Variants in AHDC1 observed in about 807,000 individuals in gnomAD.
AHDC1 encodes transcription factor Gibbin.
In AHDC1, 7 loss-of-function variants were observed where a neutral mutation model predicts 87.9. The observed-to-expected ratio is 0.08, with a 90% CI of 0.05 to 0.15. The LOEUF (loss-of-function observed/expected upper bound fraction) is 0.15, where lower values mean the gene tolerates loss of function less well. AHDC1 is among the 10% of genes least tolerant of loss of function. AHDC1 has a pLI of 1.00. For synonymous variants in AHDC1, 1,051 were observed against 1,006.8 expected, an observed-to-expected ratio of 1.04 and a Z score of -0.83; for missense variants, 1,841 against 2,253.2, an observed-to-expected ratio of 0.82 and a Z score of 3.70.
At chr1:27,555,168 CTGTG>C (rs1317248482) in intron 5 of AHDC1, among the ~76,000 whole-genome samples, 1 of 152,212 alleles carries the variant, frequency 6.6e-6, no homozygotes, top group East Asian at 1.9e-4. Flanking sequence ...CCTGGGGGAG[CTGTG>C]TAACATTCCA....
At chr1:27,572,485 G>A (rs2088563441) in intron 3 of AHDC1, among the ~76,000 whole-genome samples, 1 of 152,148 alleles carries the variant, frequency 6.6e-6, no homozygotes, top group Non-Finnish European at 1.5e-5. Context: ...GCTGCCTACT[G>A]CCTTACAACA....
rs1332770385 is a variant in AHDC1 at position 27,560,278 on chromosome 1, G to A, written c.-628-1395C>T. Among the ~76,000 whole-genome samples, 4 of 152,106 alleles carry A rather than the reference G, an allele frequency of 2.6e-5. No individual in the cohort carries two copies. Among genetic ancestry groups the A allele is most frequent in the Non-Finnish European group, 4.4e-5 (3 of 68,016 alleles). On this transcript the variant is annotated intron_variant, in intron 3 of 8. Transcript: ENST00000673934. The surrounding 1 kb of genome is among the most constrained non-coding windows in gnomAD (Gnocchi z 4.1). ...GACACAGGGGTGCATGTGTGCCTGT[G>A]TGTAGCCAGGTGAGCCCAGCTGTGG... is the stretch of plus-strand genomic sequence containing the variant.
intron 3 of AHDC1, among the ~76,000 whole-genome samples, chr1:27,566,841 G>A (rs2020342511): frequency 1.4e-5 from 2 of 145,924 alleles, no homozygotes; most frequent in Non-Finnish European, 3.0e-5. Flanking sequence ...CAGAGCTGTC[G>A]AGGGAGGGGG....
At position 27,597,553 on chromosome 1, in the gene AHDC1, C is replaced by G. The variant is rs12057378; in HGVS notation, c.-629+5844G>C. Among the ~76,000 whole-genome samples the G allele has an allele frequency of 4.6e-3, 705 of 152,214 alleles. 6 individuals are homozygous for G. The highest frequency in any genetic ancestry group is 0.016 in the African/African-American group (659 of 41,508). ...TGCAGGCCTCTCAGCAACCCCCTCCCCCTATGAAAAGAGGAGCAGGGAGCA... is the reference window on the plus strand; with the variant it reads ...TGCAGGCCTCTCAGCAACCCCCTCCGCCTATGAAAAGAGGAGCAGGGAGCA... On this transcript the variant is annotated intron_variant, in intron 3 of 8. Transcript: ENST00000673934.
At chr1:27,574,018 C>A (rs1359480026) in intron 3 of AHDC1, among the ~76,000 whole-genome samples, 1 of 152,160 alleles carries the variant, frequency 6.6e-6, no homozygotes, top group Admixed American at 6.5e-5. Context: ...GGAGTTGACA[C>A]AGGCCCAGGC....
intron 3 of AHDC1, among the ~76,000 whole-genome samples, chr1:27,584,648 G>A (rs958161970): frequency 2.0e-5 from 3 of 152,156 alleles, no homozygotes; most frequent in Admixed American, 6.5e-5. Flanking sequence ...GCACTGTAGC[G>A]GGGTGAGCTG....
At position 27,549,274 on chromosome 1, in the gene AHDC1, C is replaced by G; in HGVS notation, c.2842G>C (p.Val948Leu). ...CGGGCCATGGCTGAGGGCGGGGGCACCAGCTTGGGGAAGGTCTCGGCTGCC... is the reference window on the plus strand; with the variant it reads ...CGGGCCATGGCTGAGGGCGGGGGCAGCAGCTTGGGGAAGGTCTCGGCTGCC... Reference protein sequence around the residue: ...CRAAETFPKLVPPPSAMARSP... With the variant: ...CRAAETFPKLLPPPSAMARSP... The change falls in exon 8 of 9, where the codon GTG (valine) becomes CTG (leucine). Residue 948 changes from valine (V) to leucine (L), a missense_variant. Around this residue, in one of 13 missense-constraint regions of AHDC1, gnomAD observed 378 missense variants for 399.0 expected, o/e 0.95. Coordinates refer to ENST00000673934, the MANE Select transcript of AHDC1 (RefSeq NM_001371928.1). The G allele has an allele frequency of 1.2e-6, 2 of 1,603,492 alleles. No homozygotes were observed. Among genetic ancestry groups the G allele is most frequent in the Non-Finnish European group, 1.7e-6 (2 of 1,172,978 alleles).
At chr1:27,597,131 G>A (rs1052346843) in intron 3 of AHDC1, among the ~76,000 whole-genome samples, 6 of 152,298 alleles carry the variant, frequency 3.9e-5, no homozygotes, top group African/African-American at 1.2e-4. Flanking sequence ...CTTGCCAGCC[G>A]GGTTAGAGTA....
intron 3 of AHDC1, among the ~76,000 whole-genome samples, chr1:27,577,904 C>A (rs2088802981): frequency 6.6e-6 from 1 of 152,184 alleles, no homozygotes; most frequent in African/African-American, 2.4e-5. Flanking sequence ...CACCTGAGGC[C>A]AGGGAGTTAA....
In AHDC1 at chr1:27,547,111, T is replaced by C; in HGVS notation, c.*43+150A>G. On this transcript the variant is annotated intron_variant, in intron 8 of 8. Coordinates refer to ENST00000673934, the MANE Select transcript of AHDC1 (RefSeq NM_001371928.1). The surrounding 1 kb of genome is among the most constrained non-coding windows in gnomAD (Gnocchi z 4.9). The stretch of plus-strand genomic sequence containing the variant: ...TGAGACTGTCCGCAACAGCGAATCC[T>C]GAATCCCTACACCCTGCTCTCAGTC... 2 of 526,842 alleles carry C rather than the reference T, an allele frequency of 3.8e-6. No homozygotes were observed. Among genetic ancestry groups the C allele is most frequent in the Non-Finnish European group, 3.1e-6 (1 of 318,536 alleles). 32.6% of individuals were successfully genotyped at this position (526,842 alleles called of 1,614,324 possible). A position where few individuals can be genotyped will look rare whatever the true frequency, so the allele number is the denominator to read the frequency against.
Position 27,550,138 on chromosome 1 carries a change from G to T in AHDC1, c.1978C>A (p.His660Asn). The T allele has an allele frequency of 6.2e-7, 1 of 1,610,696 alleles. No homozygotes were observed. Residue 660 changes from histidine (H) to asparagine (N), a missense_variant, in exon 8 of 9, where the codon CAT becomes AAT. This residue lies in a region of AHDC1 where 236 missense variants were observed against 257.9 expected (regional missense o/e 0.92). Transcript: ENST00000673934. ...PDTQSISHFL[H>N]RVQGFRRRGG... is the part of the protein sequence containing the mutation. Reference sequence around the variant, plus strand: ...CGCCGCCGGAAGCCCTGCACACGATGCAGGAAGTGGGAGATGCTCTGGGTG... The same window carrying T: ...CGCCGCCGGAAGCCCTGCACACGATTCAGGAAGTGGGAGATGCTCTGGGTG...
chr1:27,592,095 G>C (rs1396975986), intron 3 of AHDC1, among the ~76,000 whole-genome samples: 1 of 152,126 alleles, frequency 6.6e-6, no homozygotes, highest in Non-Finnish European at 1.5e-5. Context: ...TTTGTTAAAG[G>C]CCTCTCATTA....
At position 27,549,301 on chromosome 1, in the gene AHDC1, G is replaced by A. The variant is rs563439857; in HGVS notation, c.2815C>T (p.Arg939Trp). Residue 939 changes from arginine to tryptophan, a missense_variant, in exon 8 of 9, where the codon CGG becomes TGG. Around this residue, in one of 13 missense-constraint regions of AHDC1, gnomAD observed 378 missense variants for 399.0 expected, o/e 0.95. Coordinates refer to ENST00000673934, the MANE Select transcript of AHDC1 (RefSeq NM_001371928.1). ...YGLTPAASDC[R>W]AAETFPKLVP... ...AGCTTGGGGAAGGTCTCGGCTGCCCGGCAGTCTGAAGCGGCTGGAGTTAGC... is the reference window on the plus strand; with the variant it reads ...AGCTTGGGGAAGGTCTCGGCTGCCCAGCAGTCTGAAGCGGCTGGAGTTAGC... The A allele has an allele frequency of 1.2e-5, 19 of 1,605,898 alleles. No individual in the cohort carries two copies. Among genetic ancestry groups the A allele is most frequent in the Admixed American group, 3.3e-5 (2 of 59,734 alleles).
intron 3 of AHDC1, among the ~76,000 whole-genome samples, chr1:27,573,314 G>A (rs1206717475): frequency 1.3e-5 from 2 of 152,078 alleles, no homozygotes; most frequent in Non-Finnish European, 2.9e-5. Context: ...GCCCAGAGAG[G>A]GGAAGCAGCC....
chr1:27,546,822 G>A (rs1243390031), intron 8 of AHDC1, among the ~76,000 whole-genome samples: 1 of 152,156 alleles, frequency 6.6e-6, no homozygotes, highest in Non-Finnish European at 1.5e-5. Flanking sequence ...CTCTGGATAG[G>A]CCCTGGGTAG....
At chr1:27,566,372 AAG>A (rs921600400) in intron 3 of AHDC1, among the ~76,000 whole-genome samples, 5 of 151,572 alleles carry the variant, frequency 3.3e-5, no homozygotes, top group Admixed American at 1.3e-4. Context: ...GAGACTCAGG[AAG>A]AGAGAGAGAC....
chr1:27,548,113 C>A lies in AHDC1; in HGVS notation c.4003G>T (p.Val1335Leu), dbSNP rs199950842. 4 of 1,613,828 alleles carry A rather than the reference C, an allele frequency of 2.5e-6. No homozygotes were observed. Among genetic ancestry groups the A allele is most frequent in the South Asian group, 1.1e-5 (1 of 91,096 alleles). The change falls in exon 8 of 9, where the codon GTG (valine) becomes TTG (leucine). Residue 1335 changes from valine (V) to leucine (L), a missense_variant. Physicochemically the swap from Val to Leu is conservative, Grantham distance 32 (BLOSUM62 1). Around this residue, in one of 13 missense-constraint regions of AHDC1, gnomAD observed 505 missense variants for 626.2 expected, o/e 0.81. Transcript: ENST00000673934. ...AAGTCACAGGGGTCTCGCTCTCCCACGCCGAAGGCCCTCGACTGTGAGGGC... is the reference window on the plus strand; with the variant it reads ...AAGTCACAGGGGTCTCGCTCTCCCAAGCCGAAGGCCCTCGACTGTGAGGGC... Reference protein sequence around the residue: ...PLPSQSRAFGVGERDPCDFIG... With the variant: ...PLPSQSRAFGLGERDPCDFIG...
In AHDC1 at chr1:27,547,443, G is replaced by A. The variant is rs1293811085; in HGVS notation, c.4673C>T (p.Pro1558Leu). The A allele has an allele frequency of 6.3e-7, 1 of 1,589,196 alleles. No homozygotes were observed. Among genetic ancestry groups the A allele is most frequent in the Non-Finnish European group, 8.6e-7 (1 of 1,162,684 alleles). The change falls in exon 8 of 9, where the codon CCC (proline) becomes CTC (leucine). Residue 1558 changes from proline (P) to leucine (L), a missense_variant. Pro to Leu is a moderately conservative substitution (Grantham distance 98). Transcript: ENST00000673934. This position sits in a 1 kb window ranked among gnomAD's most constrained non-coding sequence, Gnocchi z 4.9. ...GTACCTGTAGGCGGTGTCCTGCAGG[G>A]GCAGCAGCGAGTCCCTCGGCACGGG... ...LSPVPRDSLLPLQDTAYRYPG... is the reference protein window; with the variant it reads ...LSPVPRDSLLLLQDTAYRYPG...
rs984904131 is a variant in AHDC1, at chr1:27,549,844, C to T, written c.2272G>A (p.Gly758Ser). 2 of 1,613,342 alleles carry T rather than the reference C, an allele frequency of 1.2e-6. No individual in the cohort carries two copies. Among genetic ancestry groups the T allele is most frequent in the Non-Finnish European group, 1.7e-6 (2 of 1,179,558 alleles). The change falls in exon 8 of 9, where the codon GGC (glycine) becomes AGC (serine). Residue 758 changes from glycine (G) to serine (S), a missense_variant. Gly to Ser is a moderately conservative substitution (Grantham distance 56). Coordinates refer to ENST00000673934, the MANE Select transcript of AHDC1 (RefSeq NM_001371928.1). The stretch of plus-strand genomic sequence containing the variant: ...GCACCTGCCTCCCCAAAGCCTGGGC[C>T]ACTGGGCACCTGCTCTGGGAACAGA... ...GTLFPEQVPS[G>S]PGFGEAGAEW...
Sources: allele counts gnomAD v4.1 joint callset (sites outside exome capture counted in the v4.1 genomes callset), GRCh38; gene constraint gnomAD v4.1.1; regional missense constraint gnomAD v4.1.1; non-coding constraint Gnocchi (gnomAD v3.1); transcripts MANE v1.5; gene names NCBI Gene and HGNC (gene_info 2026-07-23, HGNC 2026-07-21).